The following DOCK6 variants were observed in gnomAD, a reference collection of about 807,000 sequenced individuals.
DOCK6 encodes dedicator of cytokinesis protein 6.
In DOCK6, 167 loss-of-function variants were observed where a neutral mutation model predicts 230.3. The observed-to-expected ratio is 0.73, with a 90% CI of 0.64 to 0.82. DOCK6 has a LOEUF of 0.82. Among genes scored for constraint, DOCK6 ranks in the 40% least tolerant of loss-of-function variants. DOCK6 has a pLI of 0.00. For synonymous variants in DOCK6, 1,148 were observed against 1,185.0 expected (o/e 0.97, Z 0.64); for missense variants, 2,598 against 2,825.8 (o/e 0.92, Z 1.83).
At chr19:11,260,241 T>C (rs1418325120) in intron 1 of DOCK6, among the ~76,000 whole-genome samples, 2 of 151,968 alleles carry the variant, frequency 1.3e-5, no homozygotes, top group Non-Finnish European at 2.9e-5. Context: ...TCTTTCTCAC[T>C]TGAGTAAAAA....
chr19:11,221,499 A>C (rs914385805), intron 28 of DOCK6: 7 of 248,160 alleles, frequency 2.8e-5, no homozygotes, highest in African/African-American at 1.6e-4. Context: ...ATGTACTCCA[A>C]TCATTTTCTC....
At chr19:11,257,433 AGTG>A (rs2080214615) in intron 1 of DOCK6, among the ~76,000 whole-genome samples, 1 of 137,804 alleles carries the variant, frequency 7.3e-6, no homozygotes, top group Admixed American at 8.3e-5. Flanking sequence ...TTGAGGCTGC[AGTG>A]ATGGCACCAG....
At chr19:11,257,679 C>T (rs1314041036) in intron 1 of DOCK6, among the ~76,000 whole-genome samples, 1 of 151,936 alleles carries the variant, frequency 6.6e-6, no homozygotes, top group African/African-American at 2.4e-5. Context: ...ATCTCAGTTA[C>T]TCGGGAGGCT....
intron 6 of DOCK6, among the ~76,000 whole-genome samples, chr19:11,250,118 C>T (rs2080094716): frequency 6.7e-6 from 1 of 149,010 alleles, no homozygotes; most frequent in South Asian, 2.1e-4. Context: ...TCAAGTGATT[C>T]TCCTGTCTCA....
At position 11,243,802 on chromosome 19, in the gene DOCK6, C is replaced by T; in HGVS notation, c.1104G>A (p.Lys368=). 6.2e-7 allele frequency: 1 copy of T among 1,613,274 alleles called. No individual in the cohort carries two copies. Among genetic ancestry groups the T allele is most frequent in the Non-Finnish European group, 8.5e-7 (1 of 1,179,626 alleles). The change falls in exon 10 of 48, where the codon AAG becomes AAA. Residue 368 remains lysine (K), a splice_region_variant and synonymous_variant. Coordinates refer to ENST00000294618, the MANE Select transcript of DOCK6 (RefSeq NM_020812.4). This position sits in a 1 kb window ranked among gnomAD's most constrained non-coding sequence, Gnocchi z 6.3. ...YMVLKEVDTA[K]NKEKLEKLRL... is the part of the protein sequence containing the mutation. ...CCTAGTCCAGCCTCCACACGCTTAC[C>T]TTGGCTGTGTCCACTTCTTTCAACA...
chr19:11,222,984 C>A lies in DOCK6; in HGVS notation c.3069+9G>T. ...ATGCCATGCCCACCCTGCCCACGCC[C>A]ACTCCTACCTGCTTGTAGTGGGCCC... On this transcript the variant is annotated intron_variant, in intron 25 of 47. Transcript: ENST00000294618. This position sits in a 1 kb window ranked among gnomAD's most constrained non-coding sequence, Gnocchi z 4.0. 6.2e-7 allele frequency: 1 copy of A among 1,613,786 alleles called. No homozygotes were observed. The highest frequency in any genetic ancestry group is 8.5e-7 in the Non-Finnish European group (1 of 1,179,822).
At chr19:11,225,848 T>C (rs1270134641) in intron 24 of DOCK6, among the ~76,000 whole-genome samples, 1 of 121,910 alleles carries the variant, frequency 8.2e-6, no homozygotes, top group Admixed American at 1.0e-4. Context: ...CTGGGCAACA[T>C]AGTGAGACCC....
Position 11,201,901 on chromosome 19 carries a change from G to T in DOCK6, c.5676C>A (p.Cys1892Ter), listed in dbSNP as rs2079174693. Residue 1892 changes from cysteine to a stop codon, truncating the protein, a stop_gained, in exon 44 of 48, where the codon TGC (cysteine) becomes TGA (stop). Transcript: ENST00000294618. LOFTEE classifies it high-confidence loss of function. The surrounding 1 kb of genome is among the most constrained non-coding windows in gnomAD (Gnocchi z 4.3). The stretch of plus-strand genomic sequence containing the variant: ...GATCCCCACCCACCTCCTCCCGGTG[G>T]CACACACGGATGCGAGTCTTGATGT... ...FPYIKTRIRV[C>*]HREETVLTPV... 6.4e-7 allele frequency: 1 copy of T among 1,570,666 alleles called. No homozygotes were observed. Among genetic ancestry groups the T allele is most frequent in the East Asian group, 2.4e-5 (1 of 42,414 alleles).
intron 2 of DOCK6, 63 bp from the exon 3 acceptor site, chr19:11,253,021 C>G: frequency 1.3e-6 from 2 of 1,511,344 alleles, no homozygotes; most frequent in Middle Eastern, 1.7e-4. Flanking sequence ...GGGCACGAGG[C>G]AGGGGTGGGT....
chr19:11,208,278 CTTTTTTTTTTTT>C (rs372026726), intron 39 of DOCK6: 1 of 118,316 alleles, frequency 8.5e-6, no homozygotes, highest in Non-Finnish European at 1.7e-5. Flanking sequence ...ATTCTCCTTC[CTTTTTTTTTTTT>C]TTTTTTTTGA....
chr19:11,244,990 G>A (rs1356662049), intron 9 of DOCK6, among the ~76,000 whole-genome samples: 2 of 152,150 alleles, frequency 1.3e-5, no homozygotes, highest in Non-Finnish European at 2.9e-5. Flanking sequence ...CTCAGGGGCT[G>A]TGGGACCCTG....
chr19:11,245,925 G>A (rs1239329966), intron 7 of DOCK6, 47 bp from the exon 8 acceptor site: 3 of 1,548,904 alleles, frequency 1.9e-6, no homozygotes, highest in East Asian at 2.4e-5. Context: ...ACTTCCCGCT[G>A]TCCACACACC....
Position 11,221,905 on chromosome 19 carries a change from G to C in DOCK6, c.3496C>G (p.Leu1166Val), listed in dbSNP as rs753890261. 2 of 1,613,450 alleles carry C rather than the reference G, an allele frequency of 1.2e-6. No individual in the cohort carries two copies. Among genetic ancestry groups the C allele is most frequent in the Non-Finnish European group, 1.7e-6 (2 of 1,179,884 alleles). Residue 1166 changes from leucine to valine, a missense_variant, in exon 28 of 48, where the codon CTG becomes GTG. Transcript: ENST00000294618. The part of the protein sequence containing the change: ...TVKARVAELY[L>V]PLLSIARDTL... ...TCCCGTGCAATCGATAGCAGTGGCA[G>C]GTACAGCTCGGCCACACGAGCCTTC...
At chr19:11,227,506 G>T in intron 23 of DOCK6, 29 bp from the exon 24 acceptor site, 1 of 1,530,590 alleles carries the variant, frequency 6.5e-7, no homozygotes. Context: ...GGCTGTGGGT[G>T]GGATTTGAAG....
At chr19:11,226,163 A>G (rs1246522212) in intron 24 of DOCK6, among the ~76,000 whole-genome samples, 2 of 152,166 alleles carry the variant, frequency 1.3e-5, no homozygotes, top group Admixed American at 6.5e-5. Context: ...CTGCTCCACC[A>G]TAAGCCCCAC....
chr19:11,240,265 G>GC, intron 14 of DOCK6: 1 of 1,584,136 alleles, frequency 6.3e-7, no homozygotes, highest in Non-Finnish European at 8.6e-7. Flanking sequence ...GCCTGGCTGG[G>GC]CCCTGCCTAC....
At chr19:11,214,449 A>AG in intron 33 of DOCK6, 40 bp from the exon 34 acceptor site, 2 of 1,613,578 alleles carry the variant, frequency 1.2e-6, no homozygotes, top group Non-Finnish European at 1.7e-6. Context: ...GTTAGAGCCT[A>AG]GGGTGGTTAT....
chr19:11,250,374 C>T (rs537815459), intron 6 of DOCK6, among the ~76,000 whole-genome samples: 8 of 151,246 alleles, frequency 5.3e-5, no homozygotes, highest in South Asian at 2.1e-4. Flanking sequence ...AGTGCAGTGA[C>T]GGTGATTTCG....
rs1167568226 is a variant in DOCK6 at position 11,211,808 on chromosome 19, C to G, written c.4719G>C (p.Glu1573Asp). 6.4e-7 allele frequency: 1 copy of G among 1,552,218 alleles called. No individual in the cohort carries two copies. Among genetic ancestry groups the G allele is most frequent in the East Asian group, 2.4e-5 (1 of 40,990 alleles). Residue 1573 changes from glutamate (E) to aspartate (D), a missense_variant, in exon 37 of 48, where the codon GAG (glutamate) becomes GAC (aspartate). Coordinates refer to ENST00000294618, the MANE Select transcript of DOCK6 (RefSeq NM_020812.4). ...TGAGGTCGATGAGCATCTCAGGGTCCTCCTGGTGTTCCTTCATCTTCACCG... is the reference window on the plus strand; with the variant it reads ...TGAGGTCGATGAGCATCTCAGGGTCGTCCTGGTGTTCCTTCATCTTCACCG... ...TDTVKMKEHQ[E>D]DPEMLIDLMY...
Sources: gnomAD v4.1 joint callset for allele counts (sites outside exome capture counted in the v4.1 genomes callset) on GRCh38, gnomAD v4.1.1 for gene constraint, Gnocchi (gnomAD v3.1) non-coding constraint, MANE v1.5 for transcripts, NCBI Gene and HGNC (gene_info 2026-07-23, HGNC 2026-07-21) for gene names.